Variants in RALGAPB observed in about 807,000 individuals in gnomAD.
RALGAPB encodes ral GTPase-activating protein subunit beta.
Under a neutral mutation model 161.1 loss-of-function variants are expected in RALGAPB, and 25 were observed. The ratio of observed to expected loss-of-function variants is 0.16; its 90% CI spans 0.11 to 0.22. The LOEUF is 0.22. Ranked by LOEUF, RALGAPB falls within the 10% of genes least tolerant of loss-of-function variation. RALGAPB has a pLI of 1.00. For missense variants in RALGAPB, 1,391 were observed against 1,815.2 expected (o/e 0.77, Z 4.25); for synonymous variants, 629 against 626.1 (o/e 1.00, Z -0.07).
At chr20:38,564,180 A>C (rs538406558) in intron 24 of RALGAPB, among the ~76,000 whole-genome samples, 5 of 152,118 alleles carry the variant, frequency 3.3e-5, no homozygotes, top group Non-Finnish European at 7.3e-5. Flanking sequence ...CATCAAATAC[A>C]AAGTGCCTGC....
chr20:38,486,052 C>G (rs976312102), intron 1 of RALGAPB, among the ~76,000 whole-genome samples: 1 of 150,530 alleles, frequency 6.6e-6, no homozygotes, highest in Non-Finnish European at 1.5e-5. Flanking sequence ...TCACTGCAGC[C>G]TCCACCTCCC....
At chr20:38,554,211 A>G in intron 22 of RALGAPB, 135 bp downstream of exon 22, 5 of 819,942 alleles carry the variant, frequency 6.1e-6, no homozygotes, top group Admixed American at 2.8e-5. Flanking sequence ...CTGCATACAA[A>G]TAAATGAAAT....
Position 38,539,757 on chromosome 20 carries a change from T to C in RALGAPB, c.2380-19T>C. The C allele has an allele frequency of 6.2e-7, 1 of 1,606,512 alleles. No homozygotes were observed. The highest frequency in any genetic ancestry group is 8.5e-7 in the Non-Finnish European group (1 of 1,174,432). ...AATTCCTGGCTGATTGTTTTTGTTC[T>C]CCAAATGAATATGCTCAGGTAAAAG... On this transcript the variant is annotated intron_variant, in intron 16 of 29. Coordinates refer to ENST00000262879, the MANE Select transcript of RALGAPB (RefSeq NM_020336.4).
intron 13 of RALGAPB, among the ~76,000 whole-genome samples, chr20:38,526,882 A>G (rs2086487948): frequency 6.6e-6 from 1 of 152,192 alleles, no homozygotes; most frequent in African/African-American, 2.4e-5. Context: ...GCAATGTATT[A>G]CATTTGAAAG....
intron 14 of RALGAPB, among the ~76,000 whole-genome samples, 174 bp downstream of exon 14, chr20:38,531,405 T>C (rs2086646208): frequency 6.6e-6 from 1 of 152,236 alleles, no homozygotes; most frequent in Admixed American, 6.5e-5. Flanking sequence ...TGCTTTTCAG[T>C]GCCTCTTCAG....
rs567965031 is a variant in RALGAPB, at chr20:38,508,562, A to G, written c.741-515A>G. ...AAGTAACAGTATTTTAATACTAATT[A>G]TTTTAAATTATTTAAGTATCTTAAA... On this transcript the variant is annotated intron_variant, in intron 5 of 29. Transcript: ENST00000262879. Among the ~76,000 whole-genome samples the G allele has an allele frequency of 1.8e-4, 27 of 152,248 alleles. No homozygotes were observed. In the South Asian group the frequency reaches 5.6e-3, roughly 32 times the overall value.
At chr20:38,539,674 T>C (rs757692413) in intron 16 of RALGAPB, 102 bp from the exon 17 acceptor site, 38 of 1,038,262 alleles carry the variant, frequency 3.7e-5, no homozygotes, top group Non-Finnish European at 5.2e-5. Flanking sequence ...CTTCCTGTAG[T>C]GTATGACATT....
intron 1 of RALGAPB, among the ~76,000 whole-genome samples, chr20:38,481,986 G>T (rs926581725): frequency 1.3e-5 from 2 of 151,474 alleles, no homozygotes; most frequent in Non-Finnish European, 2.9e-5. Flanking sequence ...CATCATAAGG[G>T]TTAGGAGCAC....
At chr20:38,477,395 C>T (rs1183028355) in intron 1 of RALGAPB, among the ~76,000 whole-genome samples, 1 of 152,148 alleles carries the variant, frequency 6.6e-6, no homozygotes, top group East Asian at 1.9e-4. Context: ...CTTTGGGTAG[C>T]TTACCAAAAA....
intron 2 of RALGAPB, among the ~76,000 whole-genome samples, chr20:38,492,426 TA>T (rs1168457865): frequency 3.3e-5 from 5 of 152,194 alleles, no homozygotes; most frequent in Admixed American, 6.5e-5. Context: ...GTATTATTAT[TA>T]TTTTTTTTTT....
In RALGAPB at chr20:38,575,936, C is replaced by CA. The variant is rs1187175968; in HGVS notation, c.*971dup. The CA allele has an allele frequency of 6.6e-6, 1 of 152,524 alleles. No homozygotes were observed. The highest frequency in any genetic ancestry group is 2.4e-5 in the African/African-American group (1 of 41,432). The allele number at this position is 152,524 out of a possible 1,614,324, so 9.4% of individuals were successfully genotyped here. The stretch of plus-strand genomic sequence containing the variant: ...AATATGGGGTTCAGGAATAGCCTCT[C>CA]AACGCTACTAATTCAGATCTCTCCC... On this transcript the variant is annotated 3_prime_UTR_variant, in exon 30 of 30. Transcript: ENST00000262879.
At chr20:38,528,092 A>G (rs1407190772) in intron 13 of RALGAPB, among the ~76,000 whole-genome samples, 2 of 152,180 alleles carry the variant, frequency 1.3e-5, no homozygotes, top group African/African-American at 2.4e-5. Context: ...TCAGAAAGCT[A>G]TTGCTGTGAC....
At chr20:38,517,419 C>A in intron 7 of RALGAPB, 87 bp from the exon 8 acceptor site, 1 of 1,347,596 alleles carries the variant, frequency 7.4e-7, no homozygotes, top group Non-Finnish European at 1.0e-6. Flanking sequence ...GTGTCCCAAG[C>A]CTTCACTAGG....
intron 2 of RALGAPB, among the ~76,000 whole-genome samples, chr20:38,491,658 G>T (rs867100086): frequency 6.6e-6 from 1 of 152,304 alleles, no homozygotes; most frequent in African/African-American, 2.4e-5. Flanking sequence ...TTATAAACCA[G>T]TGACTTATGC....
intron 5 of RALGAPB, among the ~76,000 whole-genome samples, chr20:38,500,632 T>A (rs2085561890): frequency 6.6e-6 from 1 of 152,204 alleles, no homozygotes; most frequent in African/African-American, 2.4e-5. Context: ...GTCTCTCACT[T>A]TAAATCAAAA....
At chr20:38,486,363 T>G (rs2085115545) in intron 1 of RALGAPB, among the ~76,000 whole-genome samples, 1 of 152,220 alleles carries the variant, frequency 6.6e-6, no homozygotes, top group South Asian at 2.1e-4. Flanking sequence ...TGAAAATTTC[T>G]TACATTTAAA....
At chr20:38,567,258 C>T in intron 26 of RALGAPB, 26 bp downstream of exon 26, 1 of 1,601,396 alleles carries the variant, frequency 6.2e-7, no homozygotes, top group Non-Finnish European at 8.5e-7. Context: ...GATAGGTCTC[C>T]AAAATTTTGT....
chr20:38,541,347 CTA>C (rs1352014538), intron 18 of RALGAPB, among the ~76,000 whole-genome samples, 155 bp downstream of exon 18: 6 of 151,898 alleles, frequency 4.0e-5, no homozygotes, highest in Non-Finnish European at 1.5e-5. Context: ...AAGAAAATCT[CTA>C]TTTTTTTTTT....
chr20:38,563,357 A>G (rs73905644), intron 24 of RALGAPB, among the ~76,000 whole-genome samples: 1,605 of 152,348 alleles, frequency 0.011, 22 homozygotes, highest in African/African-American at 0.037. Flanking sequence ...GTAGTTTTCT[A>G]TTAACCAGTG....
Sources: allele counts gnomAD v4.1 joint callset (sites outside exome capture counted in the v4.1 genomes callset), GRCh38; gene constraint gnomAD v4.1.1; transcripts MANE v1.5; gene names NCBI Gene and HGNC (gene_info 2026-07-23, HGNC 2026-07-21).